The following NKAIN2 variants were observed in gnomAD, a reference collection of about 807,000 sequenced individuals.
NKAIN2 encodes the protein sodium/potassium transporting ATPase interacting 2.
In NKAIN2, 14 loss-of-function variants were observed where a neutral mutation model predicts 32.6. That is an observed-to-expected ratio of 0.43 (90% CI 0.28 to 0.67). The LOEUF is 0.67. Among genes scored for constraint, NKAIN2 ranks in the 30% least tolerant of loss-of-function variants. The pLI is 0.17. For missense variants in NKAIN2, 198 were observed against 258.3 expected (o/e 0.77, Z 1.60); for synonymous variants, 80 against 87.2 (o/e 0.92, Z 0.46).
chr6:123,922,581 T>C (rs1325766781), intron 1 of NKAIN2, among the ~76,000 whole-genome samples: 12 of 152,168 alleles, frequency 7.9e-5, no homozygotes, highest in Non-Finnish European at 1.2e-4. Context: ...TGGTCAGTTT[T>C]GGGGTGGGGA....
chr6:124,550,007 C>G (rs1442594008), intron 3 of NKAIN2, among the ~76,000 whole-genome samples: 1 of 152,182 alleles, frequency 6.6e-6, no homozygotes, highest in East Asian at 1.9e-4. Flanking sequence ...TCTGCTTTCT[C>G]TTTATGCTTT....
intron 3 of NKAIN2, among the ~76,000 whole-genome samples, chr6:124,505,200 C>T (rs532904093): frequency 2.7e-4 from 41 of 152,242 alleles, no homozygotes; most frequent in South Asian, 1.2e-3. Context: ...AAAATAAATC[C>T]AATCTCAGGT....
chr6:124,130,222 G>A (rs1786398564), intron 1 of NKAIN2, among the ~76,000 whole-genome samples: 1 of 152,128 alleles, frequency 6.6e-6, no homozygotes, highest in Non-Finnish European at 1.5e-5. Flanking sequence ...AAAGGGGGTG[G>A]TATTTTGGAC....
chr6:124,258,080 A>C (rs2114832324), intron 1 of NKAIN2, among the ~76,000 whole-genome samples: 1 of 151,950 alleles, frequency 6.6e-6, no homozygotes, highest in African/African-American at 2.4e-5. Context: ...GTGCTGGCCA[A>C]TTCATTTAAT....
intron 3 of NKAIN2, among the ~76,000 whole-genome samples, chr6:124,518,707 T>C (rs1779015452): frequency 6.6e-6 from 1 of 152,154 alleles, no homozygotes; most frequent in African/African-American, 2.4e-5. Flanking sequence ...GAGACACATA[T>C]CCAAACTCTA....
At chr6:124,411,634 T>C (rs1244344173) in intron 3 of NKAIN2, among the ~76,000 whole-genome samples, 2 of 152,362 alleles carry the variant, frequency 1.3e-5, no homozygotes, top group Non-Finnish European at 2.9e-5. Flanking sequence ...TCATTTCAAC[T>C]TTGGTGAATC....
At position 124,656,634 on chromosome 6, in the gene NKAIN2, C is replaced by T. The variant is rs935081409; in HGVS notation, c.274-1552C>T. Among the ~76,000 whole-genome samples, 3 of 151,944 alleles carry T rather than the reference C, an allele frequency of 2.0e-5. No homozygotes were observed. The East Asian group carries it at 5.8e-4, about 29-fold the overall frequency. On this transcript the variant is annotated intron_variant, in intron 3 of 6. Coordinates refer to ENST00000368417, the MANE Select transcript of NKAIN2 (RefSeq NM_001040214.3). ...TACATGATTTAGTTGGTGTCTCTTC[C>T]ATACTTACTATATTTTAACACTCCC...
At chr6:123,969,359 G>A (rs1024649140) in intron 1 of NKAIN2, among the ~76,000 whole-genome samples, 29 of 152,124 alleles carry the variant, frequency 1.9e-4, no homozygotes, top group Non-Finnish European at 3.5e-4. Flanking sequence ...AGAGGAAATG[G>A]AAATAAACAT....
At chr6:124,571,346 C>T (rs1562262693) in intron 3 of NKAIN2, among the ~76,000 whole-genome samples, 2 of 151,970 alleles carry the variant, frequency 1.3e-5, no homozygotes, top group African/African-American at 2.4e-5. Flanking sequence ...AGGGGCCAGG[C>T]GTGGAATGAT....
intron 3 of NKAIN2, among the ~76,000 whole-genome samples, chr6:124,526,280 C>A (rs1436243607): frequency 6.6e-6 from 1 of 151,938 alleles, no homozygotes; most frequent in Non-Finnish European, 1.5e-5. Flanking sequence ...CAGCTGGCCA[C>A]ATATAGGATG....
At chr6:124,100,261 GA>G (rs1384948847) in intron 1 of NKAIN2, among the ~76,000 whole-genome samples, 2 of 152,168 alleles carry the variant, frequency 1.3e-5, no homozygotes, top group Non-Finnish European at 2.9e-5. Context: ...AATGAAGTTA[GA>G]AAGTAATTTA....
intron 1 of NKAIN2, among the ~76,000 whole-genome samples, chr6:123,970,110 G>T (rs1582861061): frequency 6.7e-6 from 1 of 149,198 alleles, no homozygotes; most frequent in East Asian, 2.0e-4. Context: ...TTATTAAATG[G>T]ATATATATAT....
chr6:124,494,485 T>A (rs1272038471), intron 3 of NKAIN2, among the ~76,000 whole-genome samples: 2 of 152,100 alleles, frequency 1.3e-5, no homozygotes, highest in African/African-American at 2.4e-5. Context: ...CAAACCTGTG[T>A]CATTTTAATA....
chr6:124,080,296 G>A (rs1356095830), intron 1 of NKAIN2, among the ~76,000 whole-genome samples: 2 of 152,136 alleles, frequency 1.3e-5, no homozygotes, highest in African/African-American at 4.8e-5. Flanking sequence ...ACAAAAGGCT[G>A]TCTTGTTCCT....
intron 1 of NKAIN2, among the ~76,000 whole-genome samples, chr6:124,138,158 CA>C (rs886409698): frequency 4.0e-5 from 6 of 151,612 alleles, no homozygotes; most frequent in African/African-American, 1.5e-4. Context: ...ATAACCTTAT[CA>C]AAAAAGGGGG....
intron 3 of NKAIN2, among the ~76,000 whole-genome samples, chr6:124,643,337 T>C (rs1300082288): frequency 6.6e-6 from 1 of 152,200 alleles, no homozygotes; most frequent in Non-Finnish European, 1.5e-5. Context: ...TGTATATCTA[T>C]AGTTTTGATT....
At chr6:124,115,833 A>G (rs1220030325) in intron 1 of NKAIN2, among the ~76,000 whole-genome samples, 1 of 152,074 alleles carries the variant, frequency 6.6e-6, no homozygotes, top group Non-Finnish European at 1.5e-5. Flanking sequence ...ATGTGAAAAA[A>G]GGGTTTTGGT....
chr6:124,580,746 G>A (rs1781489975), intron 3 of NKAIN2, among the ~76,000 whole-genome samples: 1 of 152,146 alleles, frequency 6.6e-6, no homozygotes, highest in East Asian at 1.9e-4. Flanking sequence ...AGACGCAGTG[G>A]TTTGTTGCCT....
chr6:123,926,435 T>C (rs1484593266), intron 1 of NKAIN2, among the ~76,000 whole-genome samples: 1 of 152,140 alleles, frequency 6.6e-6, no homozygotes, highest in Non-Finnish European at 1.5e-5. Context: ...CCCGCTGCAG[T>C]GTTCCCCAGA....
Sources: allele counts gnomAD v4.1 joint callset (sites outside exome capture counted in the v4.1 genomes callset), GRCh38; gene constraint gnomAD v4.1.1; transcripts MANE v1.5; gene names NCBI Gene and HGNC (gene_info 2026-07-23, HGNC 2026-07-21).